The following LAMA2 variants were observed in gnomAD, a reference collection of about 807,000 sequenced individuals.
LAMA2 encodes laminin subunit alpha-2.
A neutral mutation model predicts 364.8 loss-of-function variants in LAMA2; 269 were observed. The ratio of observed to expected loss-of-function variants is 0.74; its 90% CI spans 0.67 to 0.82. LAMA2 has a LOEUF of 0.82. Ranked by LOEUF, LAMA2 falls within the 40% of genes least tolerant of loss-of-function variation. The probability of loss-of-function intolerance (pLI) is 0.00; values close to 1 mark genes in which losing one functional copy is unlikely to be tolerated. For missense variants in LAMA2, 3,807 were observed against 3,873.2 expected (o/e 0.98, Z 0.45); for synonymous variants, 1,379 against 1,370.6 (o/e 1.01, Z -0.14).
At chr6:129,244,876 G>T (rs265386) in intron 12 of LAMA2, among the ~76,000 whole-genome samples, 1 of 152,146 alleles carries the variant, frequency 6.6e-6, no homozygotes, top group Non-Finnish European at 1.5e-5. Flanking sequence ...CATGCACACT[G>T]TATTGTTATT....
At chr6:129,150,310 T>A in intron 7 of LAMA2, among the ~76,000 whole-genome samples, 1 of 152,234 alleles carries the variant, frequency 6.6e-6, no homozygotes, top group South Asian at 2.1e-4. Flanking sequence ...CATTTGTTCT[T>A]AATAGTGACT....
chr6:128,927,413 A>G (rs1779166240), intron 1 of LAMA2, among the ~76,000 whole-genome samples: 1 of 152,182 alleles, frequency 6.6e-6, no homozygotes, highest in Non-Finnish European at 1.5e-5. Context: ...TTTCAGTCTC[A>G]TCTAGGCACA....
chr6:129,428,738 C>T (rs1206768782), intron 41 of LAMA2, among the ~76,000 whole-genome samples: 2 of 152,142 alleles, frequency 1.3e-5, no homozygotes, highest in Non-Finnish European at 2.9e-5. Flanking sequence ...AGCCACCGTG[C>T]CCGGCCCTAA....
chr6:129,373,278 A>T (rs371670491), intron 34 of LAMA2, among the ~76,000 whole-genome samples: 7 of 152,270 alleles, frequency 4.6e-5, no homozygotes, highest in African/African-American at 1.7e-4. Context: ...TTTTACACTT[A>T]GGTCTATAAT....
chr6:129,359,290 ATATATAAAAT>A (rs988355325), intron 32 of LAMA2, among the ~76,000 whole-genome samples: 1 of 137,094 alleles, frequency 7.3e-6, no homozygotes, highest in Non-Finnish European at 1.6e-5. Flanking sequence ...ATATATAAAA[ATATATAAAAT>A]ATATACATAT....
At chr6:129,067,112 T>G (rs1789412793) in intron 3 of LAMA2, among the ~76,000 whole-genome samples, 1 of 152,190 alleles carries the variant, frequency 6.6e-6, no homozygotes, top group Non-Finnish European at 1.5e-5. Context: ...AGGGAAACAA[T>G]CAACATGGCT....
intron 19 of LAMA2, among the ~76,000 whole-genome samples, chr6:129,291,398 T>C: frequency 6.6e-6 from 1 of 152,198 alleles, no homozygotes; most frequent in East Asian, 1.9e-4. Flanking sequence ...GGGCCAGACA[T>C]GATGCTAAAG....
chr6:129,206,106 GAGGA>G (rs71028149), intron 12 of LAMA2, among the ~76,000 whole-genome samples: 21,562 of 93,656 alleles, frequency 0.23, 2,473 homozygotes, highest in Non-Finnish European at 0.26. Context: ...GGGAGGGAGG[GAGGA>G]AGGAAGGAAG....
At chr6:129,434,514 G>A (rs1316789454) in intron 41 of LAMA2, among the ~76,000 whole-genome samples, 1 of 152,124 alleles carries the variant, frequency 6.6e-6, no homozygotes, top group African/African-American at 2.4e-5. Flanking sequence ...GGAATAAGGA[G>A]AGGGAATCTA....
chr6:129,267,141 T>C lies in LAMA2; in HGVS notation c.2244T>C (p.Thr748=). 6.2e-7 allele frequency: 1 copy of C among 1,613,370 alleles called. No homozygotes were observed. Among genetic ancestry groups the C allele is most frequent in the Non-Finnish European group, 8.5e-7 (1 of 1,179,416 alleles). ...CWPRHRRVNG[T]IFGGICEPCQ... Reference sequence around the variant, plus strand: ...CTAGGCACAGGCGAGTTAACGGCACTATTTTTGGTGGCATCTGTGAGCCAT... The same window carrying C: ...CTAGGCACAGGCGAGTTAACGGCACCATTTTTGGTGGCATCTGTGAGCCAT... The change falls in exon 16 of 65, where the codon ACT becomes ACC. Residue 748 remains threonine (T), a synonymous_variant. Transcript: ENST00000421865.
At position 129,493,601 on chromosome 6, in the gene LAMA2, G is replaced by A. The variant is rs531025284; in HGVS notation, c.8244+1118G>A. On this transcript the variant is annotated intron_variant, in intron 58 of 64. Coordinates refer to ENST00000421865, the MANE Select transcript of LAMA2 (RefSeq NM_000426.4). ...GTTCAATGACTCACATATACTGAAC[G>A]TTTAATAAATGGCATAAGTACTATG... Among the ~76,000 whole-genome samples, 71 of 152,274 alleles carry A rather than the reference G, an allele frequency of 4.7e-4. 1 individual carries two copies. In the Middle Eastern group the frequency reaches 0.014, roughly 29 times the overall value.
intron 40 of LAMA2, among the ~76,000 whole-genome samples, chr6:129,426,081 A>G (rs1489199767): frequency 6.6e-6 from 1 of 152,214 alleles, no homozygotes; most frequent in East Asian, 1.9e-4. Flanking sequence ...TTGTATTATC[A>G]TCCTTGGTTA....
intron 1 of LAMA2, among the ~76,000 whole-genome samples, chr6:128,949,593 T>G (rs929981033): frequency 6.6e-6 from 1 of 152,016 alleles, no homozygotes. Flanking sequence ...AAGGAGAATG[T>G]TTGATGAGCT....
chr6:129,278,651 A>T (rs1270807748), intron 17 of LAMA2, among the ~76,000 whole-genome samples: 1 of 152,176 alleles, frequency 6.6e-6, no homozygotes, highest in Non-Finnish European at 1.5e-5. Flanking sequence ...CGCAGTGCAC[A>T]CGCTGGGTAT....
chr6:129,429,468 T>A (rs1000843904), intron 41 of LAMA2, among the ~76,000 whole-genome samples: 21 of 152,228 alleles, frequency 1.4e-4, no homozygotes, highest in African/African-American at 5.1e-4. Flanking sequence ...ATCATTTATA[T>A]TTGGCATGTT....
rs777437499 is a variant in LAMA2 at position 129,192,727 on chromosome 6, T to G, written c.1656T>G (p.Ile552Met). The change falls in exon 12 of 65, where the codon ATT becomes ATG. Residue 552 changes from isoleucine to methionine, a missense_variant. Ile to Met is a conservative substitution (Grantham distance 10). Around this residue, in one of 3 missense-constraint regions of LAMA2, gnomAD observed 3,333 missense variants for 3,345.7 expected, o/e 1.00. Transcript: ENST00000421865. ...GWYLTDLPGR[I>M]RVAPQQDDLD... ...ATCTGACTGACCTTCCTGGCCGCAT[T>G]CGAGTGGCTCCCCAGCAGGACGACT... The G allele has an allele frequency of 6.2e-7, 1 of 1,614,186 alleles. No homozygotes were observed. Among genetic ancestry groups the G allele is most frequent in the Non-Finnish European group, 8.5e-7 (1 of 1,180,018 alleles).
intron 10 of LAMA2, among the ~76,000 whole-genome samples, chr6:129,179,845 T>C (rs970363961): frequency 6.6e-6 from 1 of 152,100 alleles, no homozygotes; most frequent in East Asian, 1.9e-4. Flanking sequence ...AATCACAAAT[T>C]ATATGCATAT....
intron 3 of LAMA2, among the ~76,000 whole-genome samples, chr6:129,071,438 C>T (rs1418248006): frequency 1.3e-5 from 2 of 151,702 alleles, no homozygotes; most frequent in African/African-American, 4.8e-5. Flanking sequence ...TTTTTTACTT[C>T]TCGTTATTTT....
At chr6:128,973,875 T>A (rs1340251785) in intron 1 of LAMA2, among the ~76,000 whole-genome samples, 1 of 152,148 alleles carries the variant, frequency 6.6e-6, no homozygotes. Flanking sequence ...TGGGAGTGGA[T>A]GGAGTTCGTG....
Sources: allele counts gnomAD v4.1 joint callset (sites outside exome capture counted in the v4.1 genomes callset), GRCh38; gene constraint gnomAD v4.1.1; regional missense constraint gnomAD v4.1.1; transcripts MANE v1.5; gene names NCBI Gene and HGNC (gene_info 2026-07-23, HGNC 2026-07-21).